CST3: variants seen among roughly 807,000 people sequenced by gnomAD.
CST3 encodes cystatin-C.
Under a neutral mutation model 9.0 loss-of-function variants are expected in CST3, and 14 were observed. The ratio of observed to expected loss-of-function variants is 1.56; its 90% confidence interval spans 1.03 to 2.44. The LOEUF (loss-of-function observed/expected upper bound fraction) is 2.44. Ranked by LOEUF, CST3 falls within the 30% of genes most tolerant of loss-of-function variation. The pLI is 0.00. For synonymous variants in CST3, 96 were observed against 90.2 expected (o/e 1.06, Z -0.37); for missense variants, 237 against 204.3 (o/e 1.16, Z -0.98).
chr20:23,632,141 A>C (rs1979472295), downstream of CST3: 1 of 152,288 alleles, frequency 6.6e-6, no homozygotes, highest in Admixed American at 6.5e-5. Flanking sequence ...CACCGGGCGG[A>C]GGGCAGGGAA....
chr20:23,628,629 G>GT (rs918645513), exon 4 of CST3: 1 of 152,276 alleles, frequency 6.6e-6, no homozygotes, highest in Non-Finnish European at 1.5e-5. Flanking sequence ...TGGCCTGGTG[G>GT]TTGGTTCACA....
In CST3 at chr20:23,637,664, T is replaced by C. The variant is rs576809508; in HGVS notation, c.199A>G (p.Met67Val). 2.4e-5 allele frequency: 37 copies of C among 1,535,424 alleles called. No individual in the cohort carries two copies. The South Asian group carries it at 3.0e-4, about 13-fold the overall frequency. Residue 67 changes from methionine (M) to valine (V), a missense_variant, in exon 1 of 3, where the codon ATG becomes GTG. By Grantham distance (21) the Met-to-Val change is conservative. Transcript: ENST00000376925. ...ACCTGCAGCGCGCGGCTGTGGTACA[T>C]GTCGTTGCTGGCTTTGTTGTACTCG... is the stretch of plus-strand genomic sequence containing the variant. ...VGEYNKASND[M>V]YHSRALQVVR...
intron 2 of CST3, 80 bp downstream of exon 2, chr20:23,635,174 C>T: frequency 1.7e-6 from 2 of 1,185,596 alleles, no homozygotes; most frequent in Non-Finnish European, 2.5e-6. Flanking sequence ...CCCTGCAGAA[C>T]ATGTGCATCA....
downstream of CST3, chr20:23,629,145 A>G (rs2122456082): frequency 6.6e-6 from 1 of 152,378 alleles, no homozygotes; most frequent in Middle Eastern, 3.4e-3. Flanking sequence ...CAGCTTAGCC[A>G]GGGTCAAGTG....
At chr20:23,627,464 T>C (rs1021023826) in exon 4 of CST3, 1 of 152,228 alleles carries the variant, frequency 6.6e-6, no homozygotes, top group African/African-American at 2.4e-5. Flanking sequence ...TGAGGTTTTT[T>C]TTAATATATT....
chr20:23,627,272 A>G (rs938282741), exon 4 of CST3: 3 of 152,166 alleles, frequency 2.0e-5, no homozygotes, highest in Non-Finnish European at 2.9e-5. Context: ...AAATTGAATC[A>G]TATTGTATGA....
At chr20:23,636,552 G>T (rs1191038646) in intron 1 of CST3, among the ~76,000 whole-genome samples, 1 of 147,188 alleles carries the variant, frequency 6.8e-6, no homozygotes, top group Non-Finnish European at 1.5e-5. Flanking sequence ...CTGTGCCCAG[G>T]GGTGTGACTT....
Position 23,633,784 on chromosome 20 carries a change from C to T in CST3, c.*132G>A, listed in dbSNP as rs1058745. On this transcript the variant is annotated 3_prime_UTR_variant, in exon 3 of 3. Coordinates refer to ENST00000376925, the MANE Select transcript of CST3 (RefSeq NM_000099.4). ...CAACAAAGGCCGCCTGCTGCCTTCT[C>T]TGTCTGTCTCCTGGTGCAGGCACAT... The T allele has an allele frequency of 2.5e-6, 2 of 792,770 alleles. No homozygotes were observed. Among genetic ancestry groups the T allele is most frequent in the Non-Finnish European group, 4.4e-6 (2 of 450,416 alleles). The allele number at this position is 792,770 out of a possible 1,614,324, so 49.1% of individuals were successfully genotyped here.
intron 1 of CST3, among the ~76,000 whole-genome samples, chr20:23,637,230 G>C (rs1979711412): frequency 6.6e-6 from 1 of 152,250 alleles, no homozygotes; most frequent in Non-Finnish European, 1.5e-5. Flanking sequence ...GGAAGAACAA[G>C]GAGGCAGCCA....
rs368947792 is a variant in CST3 at position 23,633,868 on chromosome 20, G to A, written c.*48C>T. 3.4e-6 allele frequency: 5 copies of A among 1,478,542 alleles called. No individual in the cohort carries two copies. The African/African-American group carries it at 5.6e-5, about 16-fold the overall frequency. 91.6% of individuals were successfully genotyped at this position (1,478,542 alleles called of 1,614,324 possible). ...CCAGGGGTGGGAATACAGGGGGTGG[G>A]AGGTGTGCATAAGAGGTGATAGGCA... On this transcript the variant is annotated 3_prime_UTR_variant, in exon 3 of 3. Coordinates refer to ENST00000376925, the MANE Select transcript of CST3 (RefSeq NM_000099.4).
exon 4 of CST3, chr20:23,628,232 C>T (rs1979322484): frequency 6.6e-6 from 1 of 151,872 alleles, no homozygotes. Flanking sequence ...AAAAGGATGT[C>T]CAGATTGATT....
intron 2 of CST3, among the ~76,000 whole-genome samples, chr20:23,634,922 T>C (rs1156401642): frequency 6.6e-6 from 1 of 151,184 alleles, no homozygotes; most frequent in East Asian, 2.0e-4. Context: ...TTCCTCATAA[T>C]ACAGCATGTA....
In CST3 at chr20:23,633,866, G is replaced by A. The variant is rs1176526810; in HGVS notation, c.*50C>T. The A allele has an allele frequency of 1.0e-5, 15 of 1,465,504 alleles. No individual in the cohort carries two copies. The highest frequency in any genetic ancestry group is 1.3e-5 in the Non-Finnish European group (14 of 1,045,448). The allele number at this position is 1,465,504 out of a possible 1,614,324, so 90.8% of individuals were successfully genotyped here. A position where few individuals can be genotyped will look rare whatever the true frequency, so the allele number is the denominator to read the frequency against. On this transcript the variant is annotated 3_prime_UTR_variant, in exon 3 of 3. Transcript: ENST00000376925. ...GTCCAGGGGTGGGAATACAGGGGGT[G>A]GGAGGTGTGCATAAGAGGTGATAGG... is the stretch of plus-strand genomic sequence containing the variant.
chr20:23,633,707 CG>C lies in CST3; in HGVS notation c.*208del. 4.6e-6 allele frequency: 3 copies of C among 657,022 alleles called. No homozygotes were observed. The highest frequency in any genetic ancestry group is 8.3e-6 in the Non-Finnish European group (3 of 361,710). The allele number at this position is 657,022 out of a possible 1,614,324, so 40.7% of individuals were successfully genotyped here. The stretch of plus-strand genomic sequence containing the variant: ...AGGTGGGGGTGTATGCACCGCACAC[CG>C]GGGCTATGAGAAGCAAGAAGGAAGG... On this transcript the variant is annotated 3_prime_UTR_variant, in exon 3 of 3. Transcript: ENST00000376925.
In CST3 at chr20:23,637,905, G is replaced by A. The variant is rs1234814036; in HGVS notation, c.-43C>T. 2 of 1,375,380 alleles carry A rather than the reference G, an allele frequency of 1.5e-6. No individual in the cohort carries two copies. The highest frequency in any genetic ancestry group is 3.4e-5 in the South Asian group (2 of 57,990). 85.2% of individuals were successfully genotyped at this position (1,375,380 alleles called of 1,614,324 possible). ...GACGCGGGGAGTGGGGCGCAGGCGA[G>A]AGGCTGGAGCTAGATAGAGAGGACC... is the stretch of plus-strand genomic sequence containing the variant. On this transcript the variant is annotated 5_prime_UTR_variant, in exon 1 of 3. Coordinates refer to ENST00000376925, the MANE Select transcript of CST3 (RefSeq NM_000099.4).
downstream of CST3, among the ~76,000 whole-genome samples, chr20:23,632,816 G>A (rs1327001374): frequency 2.0e-5 from 3 of 152,224 alleles, no homozygotes; most frequent in South Asian, 6.2e-4. Flanking sequence ...TCTTAGGACT[G>A]TAGCCTCCTG....
intron 1 of CST3, among the ~76,000 whole-genome samples, chr20:23,637,214 T>C (rs1425607423): frequency 6.6e-6 from 1 of 152,230 alleles, no homozygotes; most frequent in African/African-American, 2.4e-5. Flanking sequence ...TTAAAAATTA[T>C]TTGGTGGAAG....
exon 4 of CST3, chr20:23,627,250 G>A (rs926856669): frequency 3.9e-5 from 6 of 152,060 alleles, no homozygotes; most frequent in African/African-American, 1.5e-4. Context: ...TTCTGTTCTG[G>A]GTATTTCATA....
downstream of CST3, chr20:23,631,800 T>C (rs1297973570): frequency 6.6e-6 from 1 of 152,226 alleles, no homozygotes; most frequent in African/African-American, 2.4e-5. Context: ...GCCACCAGTG[T>C]AGAACCAGAT....
Sources: allele counts gnomAD v4.1 joint callset (sites outside exome capture counted in the v4.1 genomes callset), GRCh38; gene constraint gnomAD v4.1.1; transcripts MANE v1.5; gene names NCBI Gene and HGNC (gene_info 2026-07-23, HGNC 2026-07-21).